Variants in GLRA3 observed in about 807,000 individuals in gnomAD.
The protein encoded by GLRA3 is glycine receptor alpha 3.
In GLRA3, 44 loss-of-function variants were observed where a neutral mutation model predicts 60.4. The ratio of observed to expected loss-of-function variants is 0.73; its 90% CI spans 0.57 to 0.94. The LOEUF is 0.94. Ranked by LOEUF, GLRA3 falls within the 40% of genes least tolerant of loss-of-function variation. GLRA3 has a pLI of 0.00. For missense variants in GLRA3, 508 were observed against 564.6 expected (o/e 0.90, Z 1.02); for synonymous variants, 223 against 192.9 (o/e 1.16, Z -1.29).
At chr4:174,813,589 C>G (rs921871298) in intron 1 of GLRA3, among the ~76,000 whole-genome samples, 2 of 152,150 alleles carry the variant, frequency 1.3e-5, no homozygotes, top group African/African-American at 4.8e-5. Flanking sequence ...TTGAGACTTC[C>G]CACTTCAAAG....
At chr4:174,811,400 A>C in intron 1 of GLRA3, among the ~76,000 whole-genome samples, 1 of 152,124 alleles carries the variant, frequency 6.6e-6, no homozygotes, top group Admixed American at 6.6e-5. Flanking sequence ...ATTATTCAAA[A>C]TCCAGGATGT....
intron 5 of GLRA3, among the ~76,000 whole-genome samples, chr4:174,683,878 C>T (rs1734453672): frequency 6.6e-6 from 1 of 152,180 alleles, no homozygotes; most frequent in East Asian, 1.9e-4. Context: ...GATTTTGATA[C>T]ACATTTCATC....
intron 1 of GLRA3, among the ~76,000 whole-genome samples, chr4:174,824,837 A>G (rs1280958853): frequency 6.6e-6 from 1 of 152,054 alleles, no homozygotes; most frequent in Non-Finnish European, 1.5e-5. Flanking sequence ...CTAGACTCTA[A>G]GTTGCTAAAT....
chr4:174,642,479 G>C lies in GLRA3; in HGVS notation c.*1307C>G, dbSNP rs1449160925. The C allele has an allele frequency of 1.0e-6, 1 of 976,440 alleles. No homozygotes were observed. Among genetic ancestry groups the C allele is most frequent in the Non-Finnish European group, 1.2e-6 (1 of 821,818 alleles). 60.5% of individuals were successfully genotyped at this position (976,440 alleles called of 1,614,324 possible). A position where few individuals can be genotyped will look rare whatever the true frequency, so the allele number is the denominator to read the frequency against. ...AAAAAAATAGCAAAACTGAAAAAGAGTCAGAGTCTGGTTCTGTTTACCAAG... is the reference window on the plus strand; with the variant it reads ...AAAAAAATAGCAAAACTGAAAAAGACTCAGAGTCTGGTTCTGTTTACCAAG... On this transcript the variant is annotated 3_prime_UTR_variant, in exon 10 of 10. Coordinates refer to ENST00000274093, the MANE Select transcript of GLRA3 (RefSeq NM_006529.4).
At chr4:174,733,520 C>A (rs986858654) in intron 3 of GLRA3, among the ~76,000 whole-genome samples, 3 of 152,068 alleles carry the variant, frequency 2.0e-5, no homozygotes, top group Admixed American at 2.0e-4. Context: ...TCAGAACCTT[C>A]CCCCCTCTAT....
chr4:174,662,613 T>C (rs912794202), intron 7 of GLRA3, among the ~76,000 whole-genome samples: 3 of 152,284 alleles, frequency 2.0e-5, no homozygotes, highest in South Asian at 2.1e-4. Flanking sequence ...ATTTAGATAG[T>C]AGTTTTAAAG....
intron 9 of GLRA3, among the ~76,000 whole-genome samples, chr4:174,651,872 G>A (rs1048595579): frequency 6.6e-6 from 1 of 152,030 alleles, no homozygotes; most frequent in Non-Finnish European, 1.5e-5. Context: ...GATGAGGCAT[G>A]TGGAGTCATA....
At chr4:174,647,571 G>A (rs902442270) in intron 9 of GLRA3, among the ~76,000 whole-genome samples, 12 of 152,012 alleles carry the variant, frequency 7.9e-5, no homozygotes, top group African/African-American at 2.9e-4. Flanking sequence ...GCAACTCCAG[G>A]CAAGTGACAC....
rs139633935 is a variant in GLRA3, at chr4:174,811,464, A to G, written c.71+17277T>C. Among the ~76,000 whole-genome samples the G allele has an allele frequency of 7.7e-3, 1,169 of 152,192 alleles. 13 individuals are homozygous for G. The highest frequency in any genetic ancestry group is 0.026 in the African/African-American group (1,085 of 41,524). ...ATTTTTGCCAAAGGGAATTTTATCA[A>G]TTCTTTTGCTTAAATGTCATGTCCT... On this transcript the variant is annotated intron_variant, in intron 1 of 9. Coordinates refer to ENST00000274093, the MANE Select transcript of GLRA3 (RefSeq NM_006529.4).
chr4:174,728,087 A>G (rs1736390872), intron 4 of GLRA3, among the ~76,000 whole-genome samples: 1 of 152,190 alleles, frequency 6.6e-6, no homozygotes, highest in Non-Finnish European at 1.5e-5. Context: ...TCTATGTAGA[A>G]TGTATCTCAG....
chr4:174,743,465 G>C (rs1737106159), intron 3 of GLRA3, among the ~76,000 whole-genome samples: 1 of 150,974 alleles, frequency 6.6e-6, no homozygotes. Context: ...CAGTTATTTT[G>C]TTGAATGTCC....
At chr4:174,817,831 G>C (rs1028588761) in intron 1 of GLRA3, among the ~76,000 whole-genome samples, 1 of 151,936 alleles carries the variant, frequency 6.6e-6, no homozygotes, top group South Asian at 2.1e-4. Context: ...GGTCTTGAAC[G>C]CCTGACCTCT....
At chr4:174,749,834 G>T (rs1737397698) in intron 3 of GLRA3, among the ~76,000 whole-genome samples, 1 of 151,936 alleles carries the variant, frequency 6.6e-6, no homozygotes, top group African/African-American at 2.4e-5. Flanking sequence ...TAAACTAAAA[G>T]GTACATTATA....
intron 7 of GLRA3, among the ~76,000 whole-genome samples, chr4:174,667,183 A>G (rs146130887): frequency 2.6e-5 from 4 of 152,056 alleles, no homozygotes; most frequent in Non-Finnish European, 4.4e-5. Context: ...CTCAAAGTTC[A>G]TTAGCCAGAA....
intron 7 of GLRA3, among the ~76,000 whole-genome samples, chr4:174,669,813 C>T (rs568218424): frequency 1.1e-4 from 16 of 152,190 alleles, no homozygotes; most frequent in African/African-American, 3.1e-4. Flanking sequence ...TGGCCTCAAG[C>T]GATCCTCCCA....
intron 3 of GLRA3, among the ~76,000 whole-genome samples, chr4:174,747,849 A>G (rs577818799): frequency 3.0e-5 from 4 of 132,854 alleles, no homozygotes; most frequent in African/African-American, 1.1e-4. Flanking sequence ...GTGTCAGTGT[A>G]CAGTTAATCT....
At chr4:174,818,485 C>T (rs1395785928) in intron 1 of GLRA3, among the ~76,000 whole-genome samples, 3 of 152,100 alleles carry the variant, frequency 2.0e-5, no homozygotes, top group Non-Finnish European at 4.4e-5. Flanking sequence ...TTAGGCTACA[C>T]ATAAAACCTA....
chr4:174,726,002 G>C (rs757264221), intron 4 of GLRA3, among the ~76,000 whole-genome samples: 2 of 152,210 alleles, frequency 1.3e-5, no homozygotes, highest in African/African-American at 2.4e-5. Context: ...GTGTTATCTT[G>C]TGTCTGTTTC....
At chr4:174,718,134 C>T (rs966404739) in intron 4 of GLRA3, among the ~76,000 whole-genome samples, 3 of 152,190 alleles carry the variant, frequency 2.0e-5, no homozygotes, top group South Asian at 2.1e-4. Flanking sequence ...ATCTATTCAT[C>T]GACTTTTCTT....
Sources: gnomAD v4.1 joint callset for allele counts (sites outside exome capture counted in the v4.1 genomes callset) on GRCh38, gnomAD v4.1.1 for gene constraint, MANE v1.5 for transcripts, NCBI Gene and HGNC (gene_info 2026-07-23, HGNC 2026-07-21) for gene names.